Variants in STXBP5 observed in about 807,000 individuals in gnomAD.
STXBP5 encodes the protein syntaxin binding protein 5.
In STXBP5, 50 loss-of-function variants were observed where a neutral mutation model predicts 152.4. The observed-to-expected ratio is 0.33, with a 90% CI of 0.26 to 0.42. The LOEUF is 0.42. Ranked by LOEUF, STXBP5 falls within the 10% of genes least tolerant of loss-of-function variation. The probability of loss-of-function intolerance (pLI) is 1.00; values close to 1 mark genes in which losing one functional copy is unlikely to be tolerated. For synonymous variants in STXBP5, 492 were observed against 494.7 expected (o/e 0.99, Z 0.07); for missense variants, 1,167 against 1,388.6 (o/e 0.84, Z 2.54).
intron 19 of STXBP5, among the ~76,000 whole-genome samples, chr6:147,337,904 G>C (rs1210431010): frequency 6.6e-6 from 1 of 152,036 alleles, no homozygotes; most frequent in Admixed American, 6.5e-5. Flanking sequence ...AAAAGTAATG[G>C]TTCTGCCAAT....
intron 2 of STXBP5, among the ~76,000 whole-genome samples, chr6:147,226,450 C>G (rs1159324223): frequency 1.3e-5 from 2 of 152,160 alleles, no homozygotes; most frequent in Non-Finnish European, 2.9e-5. Context: ...TTACCTGAGA[C>G]TGTTTGAAGG....
intron 2 of STXBP5, among the ~76,000 whole-genome samples, chr6:147,215,880 A>C (rs1777140380): frequency 6.6e-6 from 1 of 152,060 alleles, no homozygotes; most frequent in Non-Finnish European, 1.5e-5. Flanking sequence ...GTTTAGCTTG[A>C]CTTCCTAATT....
intron 7 of STXBP5, among the ~76,000 whole-genome samples, chr6:147,268,979 A>G (rs932388655): frequency 1.3e-5 from 2 of 152,212 alleles, no homozygotes; most frequent in African/African-American, 2.4e-5. Context: ...TTGAAAAGTC[A>G]GAGTTGGGAA....
At position 147,348,907 on chromosome 6, in the gene STXBP5, A is replaced by G. The variant is rs544994085; in HGVS notation, c.2255-4416A>G. On this transcript the variant is annotated intron_variant, in intron 21 of 27. Transcript: ENST00000321680. ...CTGATTTCTTTATATAGTTGATCTC[A>G]ACTATGTAAAGAAAAGTGGACTTTT... is the stretch of plus-strand genomic sequence containing the variant. 2.6e-5 allele frequency among the ~76,000 whole-genome samples: 4 copies of G among 152,284 alleles called. No individual in the cohort carries two copies. The East Asian group carries it at 7.7e-4, about 29-fold the overall frequency.
At chr6:147,217,216 GA>G (rs1012964398) in intron 2 of STXBP5, among the ~76,000 whole-genome samples, 9 of 147,558 alleles carry the variant, frequency 6.1e-5, no homozygotes, top group Admixed American at 2.0e-4. Context: ...TTTTGAAAAG[GA>G]AAAAAAAAAG....
intron 2 of STXBP5, among the ~76,000 whole-genome samples, chr6:147,207,525 A>C (rs1269153211): frequency 6.6e-6 from 1 of 152,160 alleles, no homozygotes; most frequent in Non-Finnish European, 1.5e-5. Context: ...TCCTGAACTC[A>C]GTGATCAAGA....
Position 147,355,636 on chromosome 6 carries a change from A to ATAC in STXBP5, c.2305+2266_2305+2268dup, listed in dbSNP as rs1784783373. On this transcript the variant is annotated intron_variant, in intron 22 of 27. Transcript: ENST00000321680. ...CAGACACAAATTCTGACTCTACCAC[A>ATAC]TACTAGCTTGGTCATTCTGAGCAAG... Among the ~76,000 whole-genome samples the ATAC allele has an allele frequency of 3.9e-5, 6 of 152,294 alleles. No homozygotes were observed. In the South Asian group the frequency reaches 1.0e-3, roughly 26 times the overall value.
At chr6:147,273,146 A>T (rs1780260172) in intron 7 of STXBP5, among the ~76,000 whole-genome samples, 1 of 149,828 alleles carries the variant, frequency 6.7e-6, no homozygotes, top group African/African-American at 2.5e-5. Flanking sequence ...TGAGGCCAGG[A>T]GATTGAGATC....
At chr6:147,293,092 C>T (rs1781358027) in intron 9 of STXBP5, 1 of 151,966 alleles carries the variant, frequency 6.6e-6, no homozygotes, top group Admixed American at 6.6e-5. Context: ...ATACTTAGTA[C>T]AGTAATATGC....
chr6:147,253,928 G>T (rs569194806), intron 4 of STXBP5, among the ~76,000 whole-genome samples: 13 of 151,846 alleles, frequency 8.6e-5, no homozygotes, highest in Non-Finnish European at 1.6e-4. Context: ...TTTCTTCACA[G>T]AATTAGAAAA....
intron 2 of STXBP5, among the ~76,000 whole-genome samples, chr6:147,212,678 C>T (rs1776916895): frequency 6.6e-6 from 1 of 152,160 alleles, no homozygotes; most frequent in Non-Finnish European, 1.5e-5. Flanking sequence ...GTGTTAGACT[C>T]CATACCATTG....
intron 5 of STXBP5, among the ~76,000 whole-genome samples, chr6:147,261,394 G>A (rs1168086740): frequency 6.6e-6 from 1 of 151,922 alleles, no homozygotes; most frequent in Admixed American, 6.6e-5. Flanking sequence ...CTTTCTACAA[G>A]TTTTTTCTTA....
At chr6:147,241,016 CTCTATT>C (rs1229080700) in intron 4 of STXBP5, among the ~76,000 whole-genome samples, 1 of 152,160 alleles carries the variant, frequency 6.6e-6, no homozygotes, top group Non-Finnish European at 1.5e-5. Flanking sequence ...AGGTCTGTCT[CTCTATT>C]TCTAACTCTT....
intron 26 of STXBP5, among the ~76,000 whole-genome samples, chr6:147,374,060 A>T (rs1402667779): frequency 6.6e-6 from 1 of 152,220 alleles, no homozygotes; most frequent in Non-Finnish European, 1.5e-5. Context: ...ATAACTTTTG[A>T]TTACTAAAAA....
intron 7 of STXBP5, among the ~76,000 whole-genome samples, chr6:147,269,702 GATAAA>G (rs1780062519): frequency 6.6e-6 from 1 of 152,082 alleles, no homozygotes; most frequent in Non-Finnish European, 1.5e-5. Flanking sequence ...ACAGATGAAT[GATAAA>G]ATAAGGTGAA....
chr6:147,303,603 G>C (rs1240972082), intron 9 of STXBP5, among the ~76,000 whole-genome samples: 1 of 152,216 alleles, frequency 6.6e-6, no homozygotes, highest in Non-Finnish European at 1.5e-5. Context: ...GTAACACGCA[G>C]AAGTTGGAAC....
In STXBP5 at chr6:147,235,347, T is replaced by C; in HGVS notation, c.330+16T>C. On this transcript the variant is annotated intron_variant, in intron 3 of 27. Transcript: ENST00000321680. Reference sequence around the variant, plus strand: ...GATTAATGAGGTTAGTGAATTGTTTTAATCATTTCTACTTATATCCAAAAT... The same window carrying C: ...GATTAATGAGGTTAGTGAATTGTTTCAATCATTTCTACTTATATCCAAAAT... 1 of 1,606,656 alleles carries C rather than the reference T, an allele frequency of 6.2e-7. No individual in the cohort carries two copies. The highest frequency in any genetic ancestry group is 1.3e-5 in the African/African-American group (1 of 74,870).
At chr6:147,318,901 T>C (rs993004944) in intron 16 of STXBP5, among the ~76,000 whole-genome samples, 12 of 152,206 alleles carry the variant, frequency 7.9e-5, no homozygotes, top group Non-Finnish European at 1.6e-4. Flanking sequence ...ATAGGCAATT[T>C]GTTTTAACTT....
At chr6:147,211,843 A>C (rs1008314129) in intron 2 of STXBP5, among the ~76,000 whole-genome samples, 2 of 152,216 alleles carry the variant, frequency 1.3e-5, no homozygotes, top group African/African-American at 4.8e-5. Context: ...GATTACAGGC[A>C]TGAGCCACCA....
Sources: allele counts gnomAD v4.1 joint callset (sites outside exome capture counted in the v4.1 genomes callset), GRCh38; gene constraint gnomAD v4.1.1; transcripts MANE v1.5; gene names NCBI Gene and HGNC (gene_info 2026-07-23, HGNC 2026-07-21).